The following BBOF1 variants were observed in gnomAD, a reference collection of about 807,000 sequenced individuals.
BBOF1 encodes the protein basal body orientation factor 1.
A neutral mutation model predicts 68.0 loss-of-function variants in BBOF1; 62 were observed. The observed-to-expected ratio is 0.91, with a 90% CI of 0.74 to 1.13. The LOEUF is 1.13. BBOF1 is among the 50% of genes most tolerant of loss of function. The probability of loss-of-function intolerance (pLI) is 0.00; values close to 1 mark genes in which losing one functional copy is unlikely to be tolerated. For synonymous variants in BBOF1, 208 were observed against 198.8 expected (o/e 1.05, Z -0.39); for missense variants, 534 against 600.1 (o/e 0.89, Z 1.15).
intron 9 of BBOF1, 83 bp from the exon 10 acceptor site, chr14:74,056,823 A>C: frequency 1.1e-6 from 1 of 927,162 alleles, no homozygotes; most frequent in Non-Finnish European, 1.7e-6. Flanking sequence ...AAATAAAAAA[A>C]AATTAAAATA....
At chr14:74,061,229 C>T (rs2060333510) in intron 11 of BBOF1, among the ~76,000 whole-genome samples, 1 of 152,032 alleles carries the variant, frequency 6.6e-6, no homozygotes, top group South Asian at 2.1e-4. Flanking sequence ...CCGCCTTCCT[C>T]GGCCTCTCAA....
At chr14:74,057,569 C>T in intron 11 of BBOF1, 1 of 1,329,138 alleles carries the variant, frequency 7.5e-7, no homozygotes, top group Non-Finnish European at 9.8e-7. Context: ...CCTTGTGACT[C>T]TTAGCTTTCC....
In BBOF1 at chr14:74,049,213, A is replaced by G. The variant is rs148449127; in HGVS notation, c.793-489A>G. ...ATGGCTGCAAGAAAGTTTCTTAATT[A>G]GCACAATTCATAATTAGTAGATTGC... On this transcript the variant is annotated intron_variant, in intron 7 of 11. Coordinates refer to ENST00000394009, the MANE Select transcript of BBOF1 (RefSeq NM_025057.3). 7.9e-5 allele frequency among the ~76,000 whole-genome samples: 12 copies of G among 152,244 alleles called. No homozygotes were observed. The East Asian group carries it at 2.1e-3, about 27-fold the overall frequency.
intron 3 of BBOF1, among the ~76,000 whole-genome samples, 180 bp from the exon 4 acceptor site, chr14:74,033,847 CA>C (rs1485718575): frequency 6.6e-6 from 1 of 151,644 alleles, no homozygotes; most frequent in Non-Finnish European, 1.5e-5. Flanking sequence ...GCCTGGGCGA[CA>C]GAGCAAGACT....
chr14:74,055,551 C>G (rs1482248579), intron 8 of BBOF1, 33 bp from the exon 9 acceptor site: 1 of 1,449,488 alleles, frequency 6.9e-7, no homozygotes, highest in African/African-American at 1.4e-5. Flanking sequence ...CGTATTTTTC[C>G]TTTTCACATT....
At chr14:74,069,004 C>T, downstream of BBOF1, 1 of 1,611,214 alleles carries the variant, frequency 6.2e-7, no homozygotes, top group Non-Finnish European at 8.5e-7. Flanking sequence ...AATAAATGAT[C>T]ACTCACAAAG....
chr14:74,041,219 C>G (rs906443095), intron 5 of BBOF1, among the ~76,000 whole-genome samples: 2 of 152,116 alleles, frequency 1.3e-5, no homozygotes, highest in African/African-American at 4.8e-5. Flanking sequence ...AGAAGAATTG[C>G]TTGAACTCAG....
chr14:74,034,010 C>T lies in BBOF1; in HGVS notation c.352-18C>T. 15 of 1,574,996 alleles carry T rather than the reference C, an allele frequency of 9.5e-6. No individual in the cohort carries two copies. Among genetic ancestry groups the T allele is most frequent in the Non-Finnish European group, 1.3e-5 (15 of 1,164,996 alleles). ...TCTGTTCTTTTTCCTAACTCGTTTA[C>T]CTCTTTTTTGAATACAGGAACAAAA... On this transcript the variant is annotated intron_variant, in intron 3 of 11. Transcript: ENST00000394009.
chr14:74,045,145 C>T (rs926746363), intron 5 of BBOF1, among the ~76,000 whole-genome samples: 2 of 152,076 alleles, frequency 1.3e-5, no homozygotes. Context: ...TAGAACTGTT[C>T]CTGGCACATA....
At chr14:74,071,587 T>C (rs987266169) in intron 9 of BBOF1, 15 of 1,606,800 alleles carry the variant, frequency 9.3e-6, no homozygotes, top group African/African-American at 1.3e-5. Context: ...CAGGAAGTGG[T>C]TCAGGCCAAT....
At chr14:74,079,090 A>G (rs1428199168) in intron 10 of BBOF1, among the ~76,000 whole-genome samples, 1 of 151,498 alleles carries the variant, frequency 6.6e-6, no homozygotes, top group Non-Finnish European at 1.5e-5. Context: ...ATGATGCCCA[A>G]CTCTTTAGTC....
chr14:74,080,338 C>T (rs1181418119), intron 10 of BBOF1, among the ~76,000 whole-genome samples: 3 of 151,406 alleles, frequency 2.0e-5, no homozygotes, highest in Non-Finnish European at 4.4e-5. Flanking sequence ...CTTCCTAACA[C>T]ATCTCTCAGC....
chr14:74,060,911 T>G (rs1344052519), intron 11 of BBOF1, among the ~76,000 whole-genome samples: 1 of 151,968 alleles, frequency 6.6e-6, no homozygotes, highest in African/African-American at 2.4e-5. Context: ...TCTAAAACAT[T>G]TAACATAATA....
chr14:74,061,753 A>T (rs2060346384), intron 11 of BBOF1, among the ~76,000 whole-genome samples: 1 of 152,188 alleles, frequency 6.6e-6, no homozygotes, highest in Non-Finnish European at 1.5e-5. Flanking sequence ...ATAACATGTG[A>T]GCCCAAAAAT....
At chr14:74,061,568 C>T (rs1038895868) in intron 11 of BBOF1, among the ~76,000 whole-genome samples, 9 of 148,002 alleles carry the variant, frequency 6.1e-5, no homozygotes, top group African/African-American at 2.0e-4. Context: ...TCAGGTGATC[C>T]GCCAGTCTTG....
At chr14:74,025,163 A>G (rs59449585) in intron 2 of BBOF1, among the ~76,000 whole-genome samples, 2,462 of 152,332 alleles carry the variant, frequency 0.016, 59 homozygotes, top group African/African-American at 0.056. Context: ...AGTCAACCAT[A>G]GAAATAATTT....
At chr14:74,023,267 G>A (rs910870104) in intron 2 of BBOF1, 123 bp downstream of exon 2, 3 of 584,488 alleles carry the variant, frequency 5.1e-6, no homozygotes, top group African/African-American at 1.9e-5. Flanking sequence ...CATTTCAATT[G>A]ACCTTAACTC....
intron 4 of BBOF1, among the ~76,000 whole-genome samples, chr14:74,035,939 G>T (rs756687468): frequency 9.9e-5 from 15 of 152,064 alleles, no homozygotes; most frequent in Non-Finnish European, 1.8e-4. Flanking sequence ...TAGCAGTGGG[G>T]AATTAGATAC....
chr14:74,067,208 C>CT (rs1318397961), downstream of BBOF1, among the ~76,000 whole-genome samples: 15 of 151,860 alleles, frequency 9.9e-5, no homozygotes, highest in Non-Finnish European at 2.9e-5. Context: ...ACAGCCTGTG[C>CT]TTTAAAAAAA....
Sources: gnomAD v4.1 joint callset for allele counts (sites outside exome capture counted in the v4.1 genomes callset) on GRCh38, gnomAD v4.1.1 for gene constraint, MANE v1.5 for transcripts, NCBI Gene and HGNC (gene_info 2026-07-23, HGNC 2026-07-21) for gene names.